GRM8: variants seen among roughly 807,000 people sequenced by gnomAD.
GRM8 encodes metabotropic glutamate receptor 8.
A neutral mutation model predicts 87.2 loss-of-function variants in GRM8; 47 were observed. The observed-to-expected ratio is 0.54, with a 90% CI of 0.43 to 0.69. The LOEUF is 0.69. Ranked by LOEUF, GRM8 falls within the 30% of genes least tolerant of loss-of-function variation. GRM8 has a pLI of 0.00. For synonymous variants in GRM8, 396 were observed against 404.5 expected (o/e 0.98, Z 0.25); for missense variants, 1,019 against 1,139.2 (o/e 0.89, Z 1.52).
chr7:126,932,060 G>C (rs1025168068), intron 3 of GRM8, among the ~76,000 whole-genome samples: 3 of 151,702 alleles, frequency 2.0e-5, no homozygotes, highest in Middle Eastern at 3.4e-3. Flanking sequence ...GAAACTTAAG[G>C]GTAATCTTGG....
chr7:126,971,573 G>C (rs1167016062), intron 3 of GRM8, among the ~76,000 whole-genome samples: 1 of 152,126 alleles, frequency 6.6e-6, no homozygotes, highest in African/African-American at 2.4e-5. Context: ...TCAGTCTTAT[G>C]AATGCACTTA....
chr7:126,851,316 A>G (rs1797188389), intron 6 of GRM8, among the ~76,000 whole-genome samples: 1 of 152,130 alleles, frequency 6.6e-6, no homozygotes, highest in Admixed American at 6.5e-5. Flanking sequence ...GACTACTGGA[A>G]TAACTCCTAA....
chr7:126,892,020 GT>G lies in GRM8; in HGVS notation c.1156+10521del, dbSNP rs1468073708. ...TATATGAAGCTCATGTTCTTGCAGGGTAAAAAAAAAAAAAAAAAAAAAACCC... is the reference window on the plus strand; with the variant it reads ...TATATGAAGCTCATGTTCTTGCAGGGAAAAAAAAAAAAAAAAAAAAAACCC... On this transcript the variant is annotated intron_variant, in intron 6 of 10. Transcript: ENST00000339582. 5.9e-4 allele frequency among the ~76,000 whole-genome samples: 10 copies of G among 16,838 alleles called. No homozygotes were observed. In the South Asian group the frequency reaches 0.024, roughly 40 times the overall value. The allele number at this position is 16,838 out of a possible 152,430, so 11.0% of individuals were successfully genotyped here. A position where few individuals can be genotyped will look rare whatever the true frequency, so the allele number is the denominator to read the frequency against.
chr7:127,156,724 T>C (rs1792754278), intron 2 of GRM8, among the ~76,000 whole-genome samples: 1 of 151,230 alleles, frequency 6.6e-6, no homozygotes, highest in Admixed American at 6.6e-5. Flanking sequence ...ACCCAATAAA[T>C]CAGAACTAAT....
intron 7 of GRM8, among the ~76,000 whole-genome samples, chr7:126,675,439 A>G (rs1806861174): frequency 6.6e-6 from 1 of 152,220 alleles, no homozygotes; most frequent in Non-Finnish European, 1.5e-5. Context: ...ATAACAGCAA[A>G]AGAGAAAACT....
intron 2 of GRM8, among the ~76,000 whole-genome samples, chr7:127,210,273 T>C (rs747528271): frequency 1.8e-4 from 28 of 152,218 alleles, no homozygotes; most frequent in Admixed American, 3.3e-4. Flanking sequence ...GATCCATTCA[T>C]TAGGTCCACA....
chr7:126,961,731 G>A (rs1181152216), intron 3 of GRM8, among the ~76,000 whole-genome samples: 1 of 152,216 alleles, frequency 6.6e-6, no homozygotes, highest in Admixed American at 6.5e-5. Flanking sequence ...GAAAGCACTT[G>A]TGCCCATCAC....
intron 2 of GRM8, among the ~76,000 whole-genome samples, chr7:127,211,658 T>C (rs1398311652): frequency 6.6e-6 from 1 of 152,126 alleles, no homozygotes; most frequent in Non-Finnish European, 1.5e-5. Flanking sequence ...ATGGCTGGGA[T>C]TACTGCCCTT....
chr7:126,830,893 CT>C (rs1208699241), intron 6 of GRM8, among the ~76,000 whole-genome samples: 1 of 152,144 alleles, frequency 6.6e-6, no homozygotes, highest in Non-Finnish European at 1.5e-5. Context: ...TGTGGATGTC[CT>C]TTCTGTTTGT....
chr7:126,676,932 AC>A (rs372503315), intron 7 of GRM8, among the ~76,000 whole-genome samples: 31 of 152,342 alleles, frequency 2.0e-4, no homozygotes, highest in African/African-American at 7.5e-4. Context: ...CATACAACCC[AC>A]AAAATGCGAG....
At chr7:126,580,893 A>T (rs1795546176) in intron 8 of GRM8, among the ~76,000 whole-genome samples, 1 of 152,072 alleles carries the variant, frequency 6.6e-6, no homozygotes, top group Non-Finnish European at 1.5e-5. Flanking sequence ...TAAAAAGTAT[A>T]CCTAATACCC....
intron 2 of GRM8, among the ~76,000 whole-genome samples, chr7:127,157,513 T>C (rs1272463477): frequency 1.3e-5 from 2 of 152,156 alleles, no homozygotes; most frequent in Non-Finnish European, 2.9e-5. Context: ...GTTACCAAAA[T>C]ATTTTTTAAA....
At chr7:127,143,549 G>A (rs1045228318) in intron 2 of GRM8, among the ~76,000 whole-genome samples, 1 of 151,990 alleles carries the variant, frequency 6.6e-6, no homozygotes, top group Non-Finnish European at 1.5e-5. Flanking sequence ...TCTTCATGAC[G>A]ACCCTGTGAG....
intron 9 of GRM8, among the ~76,000 whole-genome samples, chr7:126,488,690 C>T (rs550063925): frequency 1.3e-5 from 2 of 151,920 alleles, no homozygotes; most frequent in African/African-American, 4.8e-5. Context: ...TATGTACTCA[C>T]TTATATACTA....
intron 7 of GRM8, among the ~76,000 whole-genome samples, chr7:126,688,835 A>G (rs184162396): frequency 9.0e-4 from 137 of 151,924 alleles, no homozygotes; most frequent in African/African-American, 3.1e-3. Flanking sequence ...GCTTTCTCTC[A>G]GTTCCCTGGA....
chr7:127,064,437 C>T (rs896269859), intron 3 of GRM8, among the ~76,000 whole-genome samples: 1 of 152,050 alleles, frequency 6.6e-6, no homozygotes, highest in Non-Finnish European at 1.5e-5. Flanking sequence ...ATTGGGATTA[C>T]AACTCCTGCT....
chr7:127,204,796 A>C (rs1008000007), intron 2 of GRM8, among the ~76,000 whole-genome samples: 1 of 152,180 alleles, frequency 6.6e-6, no homozygotes, highest in Non-Finnish European at 1.5e-5. Flanking sequence ...ATTTGAGTAC[A>C]ATTTATGTTT....
At chr7:127,191,820 T>C (rs200838015) in intron 2 of GRM8, among the ~76,000 whole-genome samples, 4 of 152,216 alleles carry the variant, frequency 2.6e-5, no homozygotes, top group Non-Finnish European at 5.9e-5. Flanking sequence ...AAGAATATAC[T>C]GTGAAGAATT....
intron 7 of GRM8, among the ~76,000 whole-genome samples, chr7:126,640,509 T>C (rs1311225226): frequency 2.0e-4 from 30 of 152,224 alleles, no homozygotes. Context: ...TATGCATTTA[T>C]ATATTGATTT....
Sources: gnomAD v4.1 joint callset for allele counts (sites outside exome capture counted in the v4.1 genomes callset) on GRCh38, gnomAD v4.1.1 for gene constraint, MANE v1.5 for transcripts, NCBI Gene and HGNC (gene_info 2026-07-23, HGNC 2026-07-21) for gene names.